The following OTC variants were observed in gnomAD, a reference collection of about 807,000 sequenced individuals.
OTC encodes ornithine transcarbamylase, mitochondrial.
A neutral mutation model predicts 30.3 loss-of-function variants in OTC; 3 were observed. That is an observed-to-expected ratio of 0.10 (90% confidence interval 0.05 to 0.26). OTC has a LOEUF of 0.26. OTC is among the 10% of genes least tolerant of loss of function. The pLI is 1.00. For synonymous variants in OTC, 111 were observed against 99.7 expected (o/e 1.11, Z -0.67); for missense variants, 194 against 260.3 (o/e 0.75, Z 1.75).
At chrX:38,333,784 G>A in the OTC span, among the ~76,000 whole-genome samples, 2 of 112,550 alleles carry the variant, frequency 1.8e-5, no homozygotes, top group Non-Finnish European at 3.8e-5. Context: ...AGCTGCCATC[G>A]CTGTTTGTTT....
intron 8 of OTC, among the ~76,000 whole-genome samples, chrX:38,409,840 T>C (rs370723526): frequency 8.9e-6 from 1 of 112,295 alleles, no homozygotes; most frequent in Non-Finnish European, 1.9e-5. Context: ...TATTGTTATA[T>C]ATAAAATAGA....
At chrX:38,388,315 C>T (rs770105334) in intron 4 of OTC, among the ~76,000 whole-genome samples, 1 of 111,719 alleles carries the variant, frequency 9.0e-6, no homozygotes, top group African/African-American at 3.3e-5. Context: ...CCTTCTCACC[C>T]CCTAACATAT....
Position 38,362,822 on chromosome X carries a change from A to G in OTC, c.78-4469A>G, listed in dbSNP as rs184533089. ...AAGCTGGAGCTTTTGGAGTAGTAAAAGGTAAGGTATTGTTGGTCCTCCTCT... is the reference window on the plus strand; with the variant it reads ...AAGCTGGAGCTTTTGGAGTAGTAAAGGGTAAGGTATTGTTGGTCCTCCTCT... On this transcript the variant is annotated intron_variant, in intron 1 of 9. Coordinates refer to ENST00000039007, the MANE Select transcript of OTC (RefSeq NM_000531.6). Among the ~76,000 whole-genome samples, 928 of 112,094 alleles carry G rather than the reference A, an allele frequency of 8.3e-3. 6 individuals are homozygous for G. The highest frequency in any genetic ancestry group is 0.014 in the Admixed American group (145 of 10,522).
At chrX:38,366,756 A>G (rs1185515408) in intron 1 of OTC, among the ~76,000 whole-genome samples, 2 of 111,816 alleles carry the variant, frequency 1.8e-5, no homozygotes, top group Admixed American at 9.6e-5. Context: ...TAAAAATTCA[A>G]TCTCTTTTCA....
At chrX:38,404,737 G>C (rs1245821273) in intron 6 of OTC, among the ~76,000 whole-genome samples, 2 of 111,149 alleles carry the variant, frequency 1.8e-5, no homozygotes, top group African/African-American at 3.3e-5. Flanking sequence ...GAGCAGGACA[G>C]GGAAAGGGAA....
chrX:38,406,837 G>T (rs983682633), intron 6 of OTC, among the ~76,000 whole-genome samples: 1 of 112,526 alleles, frequency 8.9e-6, no homozygotes, highest in African/African-American at 3.2e-5. Context: ...GGGTGGTAAA[G>T]CTGCTAAAAT....
chrX:38,400,677 C>T (rs2068481018), intron 4 of OTC, among the ~76,000 whole-genome samples: 1 of 112,279 alleles, frequency 8.9e-6, no homozygotes, highest in Non-Finnish European at 1.9e-5. Flanking sequence ...GCAGGAATGG[C>T]CCAGCGCTAT....
chrX:38,391,136 T>A (rs893451483), intron 4 of OTC, among the ~76,000 whole-genome samples: 9 of 110,184 alleles, frequency 8.2e-5, no homozygotes, highest in Non-Finnish European at 7.6e-5. Flanking sequence ...CAGCAAACTA[T>A]TGCAAGGACA....
At chrX:38,372,386 A>G (rs780415901) in intron 3 of OTC, among the ~76,000 whole-genome samples, 10 of 111,832 alleles carry the variant, frequency 8.9e-5, no homozygotes, top group Non-Finnish European at 1.9e-4. Context: ...CAGGATTGGA[A>G]GCTATTACTA....
At chrX:38,406,162 G>T (rs2068515118) in intron 6 of OTC, among the ~76,000 whole-genome samples, 1 of 111,784 alleles carries the variant, frequency 8.9e-6, no homozygotes, top group African/African-American at 3.2e-5. Flanking sequence ...TAGTGCAAAA[G>T]TCATTCCATC....
At position 38,401,408 on chromosome X, in the gene OTC, G is replaced by A. The variant is rs72556281; in HGVS notation, c.520G>A (p.Ala174Thr). ...TTTGTACCATCCTATCCAGATCCTG[G>A]CTGATTACCTCACGCTCCAGGTTGG... ...SDLYHPIQIL[A>T]DYLTLQEHYS... Residue 174 changes from alanine to threonine, a missense_variant, in exon 5 of 10, where the codon GCT (alanine) becomes ACT (threonine). Transcript: ENST00000039007. 6.6e-6 allele frequency: 8 copies of A among 1,205,605 alleles called. No homozygotes were observed. Among genetic ancestry groups the A allele is most frequent in the Non-Finnish European group, 9.0e-6 (8 of 891,334 alleles).
intron 9 of OTC, among the ~76,000 whole-genome samples, chrX:38,420,187 A>G (rs1048681026): frequency 3.6e-5 from 4 of 111,207 alleles, no homozygotes; most frequent in Non-Finnish European, 5.7e-5. Flanking sequence ...AGAGAAAACC[A>G]GGGTTCCAAC....
rs143003060 is a variant in OTC, at chrX:38,400,186, T to C, written c.387-1089T>C. ...AAATAAAGAGTTGCAAATCTTATGT[T>C]GATCTCCACATATTTTTGGAAATCT... On this transcript the variant is annotated intron_variant, in intron 4 of 9. Transcript: ENST00000039007. 3.1e-3 allele frequency among the ~76,000 whole-genome samples: 341 copies of C among 111,537 alleles called. 3 individuals are homozygous for C. The highest frequency in any genetic ancestry group is 0.011 in the African/African-American group (327 of 30,685).
intron 1 of OTC, among the ~76,000 whole-genome samples, chrX:38,356,338 T>C (rs1490712526): frequency 9.0e-6 from 1 of 111,699 alleles, no homozygotes; most frequent in Non-Finnish European, 1.9e-5. Context: ...TGATCTAAGG[T>C]ATCTTAGAAA....
At chrX:38,358,271 A>T (rs1177543741) in intron 1 of OTC, among the ~76,000 whole-genome samples, 1 of 111,080 alleles carries the variant, frequency 9.0e-6, no homozygotes, top group Non-Finnish European at 1.9e-5. Context: ...AGACCAGAAA[A>T]AAAAAAAGGA....
At chrX:38,356,050 C>CAAAAAAAAA (rs138806207) in intron 1 of OTC, among the ~76,000 whole-genome samples, 1 of 52,694 alleles carries the variant, frequency 1.9e-5, no homozygotes, top group African/African-American at 7.7e-5. Context: ...GACTCTGTCT[C>CAAAAAAAAA]AAAAAAAAAA....
intron 1 of OTC, among the ~76,000 whole-genome samples, chrX:38,355,291 C>A (rs2068235132): frequency 9.0e-6 from 1 of 111,439 alleles, no homozygotes; most frequent in African/African-American, 3.3e-5. Context: ...ACAGGCTTTC[C>A]ATGTCATAAA....
chrX:38,348,490 A>G (rs1437534164), upstream of OTC, among the ~76,000 whole-genome samples: 1 of 110,326 alleles, frequency 9.1e-6, no homozygotes, highest in African/African-American at 3.3e-5. Flanking sequence ...GGAGTAGTAG[A>G]CAGTGGTATA....
intron 3 of OTC, among the ~76,000 whole-genome samples, chrX:38,379,335 G>A (rs1349850361): frequency 1.8e-5 from 2 of 111,289 alleles, no homozygotes; most frequent in East Asian, 2.8e-4. Flanking sequence ...ACAATCTTGC[G>A]CAATTTTTTA....
Sources: gnomAD v4.1 joint callset for allele counts (sites outside exome capture counted in the v4.1 genomes callset) on GRCh38, gnomAD v4.1.1 for gene constraint, MANE v1.5 for transcripts, NCBI Gene and HGNC (gene_info 2026-07-23, HGNC 2026-07-21) for gene names.